TVP23C: variants seen among roughly 807,000 people sequenced by gnomAD.
TVP23C encodes Golgi apparatus membrane protein TVP23 homolog C.
TVP23C carries 19 observed loss-of-function variants against 28.7 expected under a neutral mutation model. The ratio of observed to expected loss-of-function variants is 0.66; its 90% CI spans 0.46 to 0.97. TVP23C has a LOEUF of 0.97. Ranked by LOEUF, TVP23C falls within the 50% of genes least tolerant of loss-of-function variation. The pLI is 0.00. For synonymous variants in TVP23C, 68 were observed against 81.7 expected (o/e 0.83, Z 0.90); for missense variants, 186 against 241.3 (o/e 0.77, Z 1.52).
Position 15,563,477 on chromosome 17 carries a change from G to C in TVP23C, c.-29C>G. The C allele has an allele frequency of 6.3e-7, 1 of 1,578,790 alleles. No homozygotes were observed. Among genetic ancestry groups the C allele is most frequent in the Non-Finnish European group, 8.6e-7 (1 of 1,163,916 alleles). ...GGCCCTACGCCAGCCCTGCTTCCAG[G>C]AGCCACGTCAGCGCAGCAGCGTACG... On this transcript the variant is annotated 5_prime_UTR_variant, in exon 1 of 6. Coordinates refer to ENST00000518321, the MANE Select transcript of TVP23C (RefSeq NM_001135036.2).
chr17:15,548,853 T>C (rs1983762391), intron 3 of TVP23C, among the ~76,000 whole-genome samples: 1 of 152,180 alleles, frequency 6.6e-6, no homozygotes. Flanking sequence ...TTATAAATAA[T>C]GCACAGTAAG....
At chr17:15,505,452 C>T (rs1486072906) in intron 5 of TVP23C, among the ~76,000 whole-genome samples, 1 of 152,208 alleles carries the variant, frequency 6.6e-6, no homozygotes, top group Admixed American at 6.5e-5. Flanking sequence ...TTGTTTCCTT[C>T]CTGTATAACT....
At position 15,538,951 on chromosome 17, in the gene TVP23C, A is replaced by C; in HGVS notation, c.*1461T>G. 2.0e-6 allele frequency: 2 copies of C among 985,866 alleles called. No individual in the cohort carries two copies. The highest frequency in any genetic ancestry group is 2.4e-6 in the Non-Finnish European group (2 of 829,916). The allele number at this position is 985,866 out of a possible 1,614,324, so 61.1% of individuals were successfully genotyped here. On this transcript the variant is annotated 3_prime_UTR_variant, in exon 6 of 6. Transcript: ENST00000518321. ...CTCTACTTTTCATCTTCTGTGAGAG[A>C]AACTGTACAGTAGAATAAAAAGAAC...
intron 5 of TVP23C, among the ~76,000 whole-genome samples, chr17:15,514,943 C>T (rs1024685605): frequency 2.6e-5 from 4 of 152,140 alleles, no homozygotes; most frequent in Admixed American, 6.5e-5. Flanking sequence ...CCCAGATCCC[C>T]GCGGATCCCT....
rs760021832 is a variant in TVP23C at position 15,538,176 on chromosome 17, T to G, written c.*2236A>C. 1.2e-6 allele frequency: 2 copies of G among 1,613,450 alleles called. No individual in the cohort carries two copies. The highest frequency in any genetic ancestry group is 1.7e-6 in the Non-Finnish European group (2 of 1,179,802). The stretch of plus-strand genomic sequence containing the variant: ...GTTCCGCAAAAGACAAAAAAAGAAC[T>G]CCTTAACATCAAAGTTATTTCACTT... On this transcript the variant is annotated 3_prime_UTR_variant, in exon 6 of 6. Coordinates refer to ENST00000518321, the MANE Select transcript of TVP23C (RefSeq NM_001135036.2).
rs562808642 is a variant in TVP23C at position 15,523,499 on chromosome 17, G to A, written c.463-20267C>T. ...CTAATTTTTGTATTTTTGTAGAGAC[G>A]GGTTTCACCATGTTGGCCAGGCTAG... On this transcript the variant is annotated intron_variant, in intron 5 of 5. Coordinates refer to the TVP23C transcript ENST00000225576. 2.2e-4 allele frequency among the ~76,000 whole-genome samples: 33 copies of A among 150,516 alleles called. No individual in the cohort carries two copies. In the South Asian group the frequency reaches 5.9e-3, roughly 27 times the overall value.
At chr17:15,543,639 C>T (rs1354976217) in intron 5 of TVP23C, among the ~76,000 whole-genome samples, 7 of 151,022 alleles carry the variant, frequency 4.6e-5, no homozygotes, top group Non-Finnish European at 8.9e-5. Flanking sequence ...CCTCTGCACT[C>T]TCTACCCCAT....
At chr17:15,518,728 T>C (rs1360277107) in intron 5 of TVP23C, among the ~76,000 whole-genome samples, 1 of 151,824 alleles carries the variant, frequency 6.6e-6, no homozygotes, top group Admixed American at 6.6e-5. Context: ...TAGAGAAGAG[T>C]TTCATGGTTG....
exon 6 of TVP23C, chr17:15,502,719 CCTCTCTCTCTCTTTCTCTCTCCT>C (rs1981505080): frequency 1.8e-5 from 21 of 1,157,106 alleles, no homozygotes; most frequent in Non-Finnish European, 2.4e-5. Flanking sequence ...TTCTCTCTCT[CCTCTCTCTCTCTTTCTCTCTCCT>C]CTCTCCCGTC....
At chr17:15,506,080 G>A (rs1024311673) in intron 5 of TVP23C, among the ~76,000 whole-genome samples, 9 of 152,254 alleles carry the variant, frequency 5.9e-5, no homozygotes, top group African/African-American at 1.2e-4. Flanking sequence ...GCGAGCGCAC[G>A]GCGCAGGACT....
chr17:15,517,091 CCA>C (rs1462483415), intron 5 of TVP23C, among the ~76,000 whole-genome samples: 2 of 152,314 alleles, frequency 1.3e-5, no homozygotes, highest in African/African-American at 2.4e-5. Context: ...AATAATTTAC[CCA>C]CAGAGATTCC....
chr17:15,536,094 G>A (rs979218611), downstream of TVP23C, among the ~76,000 whole-genome samples: 13 of 152,206 alleles, frequency 8.5e-5, no homozygotes, highest in East Asian at 3.9e-4. Flanking sequence ...GGAGGCTGAG[G>A]CAGGAGAATC....
At chr17:15,503,280 C>T in intron 5 of TVP23C, 1 of 1,444,730 alleles carries the variant, frequency 6.9e-7, no homozygotes, top group Non-Finnish European at 9.0e-7. Context: ...AGTGGCGCGC[C>T]TGTGGTTCCA....
chr17:15,543,280 G>A (rs546582954), intron 5 of TVP23C, among the ~76,000 whole-genome samples: 1 of 149,640 alleles, frequency 6.7e-6, no homozygotes, highest in South Asian at 2.1e-4. Flanking sequence ...GTGGTCAAGG[G>A]GGATTCACCC....
In TVP23C at chr17:15,547,214, T is replaced by C. The variant is rs552652111; in HGVS notation, c.241-66A>G. ...TATTTAAAGATCTGTCACAAGCTCC[T>C]ATCTTAGTGTAACATTTCACAAACA... On this transcript the variant is annotated intron_variant, in intron 3 of 5. Coordinates refer to ENST00000518321, the MANE Select transcript of TVP23C (RefSeq NM_001135036.2). 5 of 1,607,730 alleles carry C rather than the reference T, an allele frequency of 3.1e-6. No homozygotes were observed. In the South Asian group the frequency reaches 5.6e-5, roughly 18 times the overall value.
chr17:15,524,274 T>C (rs889858085), intron 5 of TVP23C, among the ~76,000 whole-genome samples: 5 of 152,156 alleles, frequency 3.3e-5, no homozygotes, highest in Non-Finnish European at 7.3e-5. Flanking sequence ...TATAATTCAT[T>C]GAGAGTACCA....
At chr17:15,560,849 C>T (rs1035532565) in intron 1 of TVP23C, among the ~76,000 whole-genome samples, 8 of 150,050 alleles carry the variant, frequency 5.3e-5, no homozygotes, top group South Asian at 2.1e-4. Flanking sequence ...CCACCGCACC[C>T]GGCCAAGTTT....
chr17:15,526,185 G>C (rs1343670163), intron 5 of TVP23C, among the ~76,000 whole-genome samples: 2 of 149,914 alleles, frequency 1.3e-5, no homozygotes, highest in African/African-American at 2.5e-5. Context: ...CTGCTCTACA[G>C]AGATGCCTCT....
chr17:15,539,302 T>C lies in TVP23C; in HGVS notation c.*1110A>G, dbSNP rs921264921. The C allele has an allele frequency of 3.0e-6, 3 of 985,340 alleles. No homozygotes were observed. In the Admixed American group the frequency reaches 1.8e-4, roughly 61 times the overall value. The allele number at this position is 985,340 out of a possible 1,614,324, so 61.0% of individuals were successfully genotyped here. ...TACTGTACTAACCAAATGCAAGGTA[T>C]TACTCATATAAAGACCTAGTCACGG... On this transcript the variant is annotated 3_prime_UTR_variant, in exon 6 of 6. Transcript: ENST00000518321.
Sources: allele counts gnomAD v4.1 joint callset (sites outside exome capture counted in the v4.1 genomes callset), GRCh38; gene constraint gnomAD v4.1.1; transcripts MANE v1.5; gene names NCBI Gene and HGNC (gene_info 2026-07-23, HGNC 2026-07-21).